Variants in CHM observed in about 807,000 individuals in gnomAD.
CHM encodes the protein rab proteins geranylgeranyltransferase component A 1.
In CHM, 10 loss-of-function variants were observed where a neutral mutation model predicts 49.0. The ratio of observed to expected loss-of-function variants is 0.20; its 90% CI spans 0.13 to 0.35. CHM has a LOEUF of 0.35. Ranked by LOEUF, CHM falls within the 10% of genes least tolerant of loss-of-function variation. The pLI, the probability that CHM is intolerant of heterozygous loss-of-function variation, is 1.00. For synonymous variants in CHM, 184 were observed against 167.5 expected (o/e 1.10, Z -0.76); for missense variants, 455 against 478.4 (o/e 0.95, Z 0.46).
At chrX:85,949,994 TATA>T (rs1393292936) in intron 8 of CHM, among the ~76,000 whole-genome samples, 6 of 84,344 alleles carry the variant, frequency 7.1e-5, no homozygotes, top group African/African-American at 1.7e-4. Context: ...TATATATATA[TATA>T]TATATATATA....
At chrX:85,932,039 CA>C (rs1195370820) in intron 8 of CHM, among the ~76,000 whole-genome samples, 1 of 111,604 alleles carries the variant, frequency 9.0e-6, no homozygotes, top group African/African-American at 3.3e-5. Context: ...GAATTAAACT[CA>C]ATTTAATCTG....
chrX:86,040,894 G>A (rs1353812640), intron 1 of CHM, among the ~76,000 whole-genome samples: 1 of 111,855 alleles, frequency 8.9e-6, no homozygotes, highest in Admixed American at 9.5e-5. Flanking sequence ...TGTTTCCAAT[G>A]AGCACCAACA....
chrX:85,944,850 A>C (rs1202339298), intron 8 of CHM, among the ~76,000 whole-genome samples: 1 of 112,212 alleles, frequency 8.9e-6, no homozygotes, highest in Non-Finnish European at 1.9e-5. Context: ...CTGCAGGACT[A>C]TTTACAATAG....
At chrX:85,900,906 G>C (rs1331128572) in intron 10 of CHM, among the ~76,000 whole-genome samples, 178 bp downstream of exon 10, 1 of 111,954 alleles carries the variant, frequency 8.9e-6, no homozygotes, top group Non-Finnish European at 1.9e-5. Context: ...ACAAACCCCA[G>C]CTGAAGCAAA....
chrX:85,901,655 T>C (rs1456990421), intron 9 of CHM, among the ~76,000 whole-genome samples: 1 of 111,922 alleles, frequency 8.9e-6, no homozygotes, highest in Non-Finnish European at 1.9e-5. Context: ...TTCTGTTAAA[T>C]GTTGGTTTCT....
In CHM at chrX:85,878,976, T is replaced by G. The variant is rs1350022576; in HGVS notation, c.1598A>C (p.Glu533Ala). 1 of 1,178,422 alleles carries G rather than the reference T, an allele frequency of 8.5e-7. No homozygotes were observed. The change falls in exon 13 of 15, where the codon GAA becomes GCA. Residue 533 changes from glutamate to alanine, a missense_variant. Glu to Ala is a moderately radical substitution (Grantham distance 107). Transcript: ENST00000357749. Reference sequence around the variant, plus strand: ...ATTATTTTTCTTACCTATCTCCATTTCAGTATATGGAACAAACAATTTCTG... The same window carrying G: ...ATTATTTTTCTTACCTATCTCCATTGCAGTATATGGAACAAACAATTTCTG... ...VVQKLFVPYTEMEIENEQVEK... is the reference protein window; with the variant it reads ...VVQKLFVPYTAMEIENEQVEK...
intron 2 of CHM, among the ~76,000 whole-genome samples, chrX:86,021,025 TAC>T (rs915264585): frequency 6.1e-5 from 6 of 98,371 alleles, no homozygotes; most frequent in Non-Finnish European, 1.2e-4. Context: ...TACACATATA[TAC>T]ACACACATAT....
At chrX:86,032,960 C>T (rs915472847) in intron 1 of CHM, among the ~76,000 whole-genome samples, 1 of 111,349 alleles carries the variant, frequency 9.0e-6, no homozygotes, top group Non-Finnish European at 1.9e-5. Flanking sequence ...TTTCTAAAAA[C>T]CTGTCTAGAT....
chrX:86,030,961 CT>C (rs202131501), intron 1 of CHM, among the ~76,000 whole-genome samples: 2,892 of 110,746 alleles, frequency 0.026, 51 homozygotes, highest in Non-Finnish European at 0.04. Flanking sequence ...GTAATATTCC[CT>C]TATATGGATA....
chrX:86,003,756 G>A (rs768432777), intron 2 of CHM, among the ~76,000 whole-genome samples: 33 of 111,886 alleles, frequency 2.9e-4, no homozygotes, highest in African/African-American at 1.0e-3. Context: ...GAAATATGGG[G>A]CTATGTGAAA....
intron 13 of CHM, among the ~76,000 whole-genome samples, chrX:85,874,389 C>G (rs1413725931): frequency 9.0e-6 from 1 of 110,808 alleles, no homozygotes; most frequent in Admixed American, 9.6e-5. Flanking sequence ...TGAAGATTGC[C>G]CAAGACCATG....
At chrX:85,948,223 G>A (rs1374203718) in intron 8 of CHM, among the ~76,000 whole-genome samples, 1 of 111,836 alleles carries the variant, frequency 8.9e-6, no homozygotes, top group Non-Finnish European at 1.9e-5. Flanking sequence ...TAAACAAATA[G>A]GTCAGTTAAG....
At chrX:85,915,876 G>A (rs1450227155) in intron 8 of CHM, among the ~76,000 whole-genome samples, 3 of 112,367 alleles carry the variant, frequency 2.7e-5, no homozygotes, top group Non-Finnish European at 5.6e-5. Context: ...ACTGCTCAAA[G>A]CAATTTATAG....
chrX:85,873,853 T>C (rs998920945), intron 13 of CHM, among the ~76,000 whole-genome samples: 3 of 112,041 alleles, frequency 2.7e-5, no homozygotes, highest in Non-Finnish European at 3.8e-5. Context: ...TTTGTTGTCC[T>C]AACTCACATC....
chrX:85,923,725 G>T (rs1186349946), intron 8 of CHM, among the ~76,000 whole-genome samples: 2 of 111,116 alleles, frequency 1.8e-5, no homozygotes, highest in East Asian at 2.8e-4. Context: ...GTAGATAGTG[G>T]TAAGTGTTCT....
intron 2 of CHM, among the ~76,000 whole-genome samples, chrX:86,017,449 C>A (rs1933350574): frequency 9.0e-6 from 1 of 111,352 alleles, no homozygotes; most frequent in African/African-American, 3.3e-5. Context: ...GGGATGGTTT[C>A]CCCCATACTG....
intron 8 of CHM, among the ~76,000 whole-genome samples, chrX:85,915,357 G>A (rs1430271936): frequency 8.9e-6 from 1 of 111,872 alleles, no homozygotes; most frequent in African/African-American, 3.3e-5. Context: ...TGCTGAATGG[G>A]CAAAAGCTGG....
chrX:85,970,411 C>G, intron 4 of CHM: 1 of 753,277 alleles, frequency 1.3e-6, no homozygotes, highest in Non-Finnish European at 1.6e-6. Flanking sequence ...CTAGTCTTCA[C>G]AAAGGAAATA....
rs1923538886 is a variant in CHM at position 85,864,102 on chromosome X, C to T, written c.*528G>A. ...CTTTATATTAGCATTTTCAATGCTT[C>T]TCAACATAGAAAGCAAAACAAACCT... is the stretch of plus-strand genomic sequence containing the variant. On this transcript the variant is annotated 3_prime_UTR_variant, in exon 15 of 15. Transcript: ENST00000357749. 1 of 116,197 alleles carries T rather than the reference C, an allele frequency of 8.6e-6. No homozygotes were observed. Among genetic ancestry groups the T allele is most frequent in the Non-Finnish European group, 1.8e-5 (1 of 55,736 alleles). The allele number at this position is 116,197 out of a possible 1,213,427, so 9.6% of individuals were successfully genotyped here.
Sources: allele counts gnomAD v4.1 joint callset (sites outside exome capture counted in the v4.1 genomes callset), GRCh38; gene constraint gnomAD v4.1.1; transcripts MANE v1.5; gene names NCBI Gene and HGNC (gene_info 2026-07-23, HGNC 2026-07-21).